Variants in SMAP2 observed in about 807,000 individuals in gnomAD.
The protein encoded by SMAP2 is small ArfGAP2.
In SMAP2, 25 loss-of-function variants were observed where a neutral mutation model predicts 56.4. The observed-to-expected ratio is 0.44, with a 90% CI of 0.32 to 0.62. The LOEUF is 0.62. Among genes scored for constraint, SMAP2 ranks in the 20% least tolerant of loss-of-function variants. The probability of loss-of-function intolerance (pLI) is 0.04; values close to 1 mark genes in which losing one functional copy is unlikely to be tolerated. For synonymous variants in SMAP2, 157 were observed against 181.7 expected, an observed-to-expected ratio of 0.86 and a Z score of 1.09; for missense variants, 388 against 545.6, an observed-to-expected ratio of 0.71 and a Z score of 2.88.
In SMAP2 at chr1:40,373,944, G is replaced by C; in HGVS notation, c.-177G>C. The C allele has an allele frequency of 1.8e-6, 1 of 568,160 alleles. No individual in the cohort carries two copies. The highest frequency in any genetic ancestry group is 3.2e-6 in the Non-Finnish European group (1 of 316,746). The allele number at this position is 568,160 out of a possible 1,614,324, so 35.2% of individuals were successfully genotyped here. On this transcript the variant is annotated 5_prime_UTR_variant, in exon 1 of 10. Coordinates refer to ENST00000372718, the MANE Select transcript of SMAP2 (RefSeq NM_022733.3). ...GCGCCGCGCCGAGGGGCTGCGGAGT[G>C]GGGGACGGACGCCCCCGACCCGGGA...
At chr1:40,387,058 G>T (rs1045599126) in intron 1 of SMAP2, among the ~76,000 whole-genome samples, 17 of 152,124 alleles carry the variant, frequency 1.1e-4, no homozygotes, top group African/African-American at 3.6e-4. Context: ...TTGCCATGTT[G>T]CCCAGGCTAG....
At chr1:40,363,155 A>G (rs930611052) in intron 2 of SMAP2, among the ~76,000 whole-genome samples, 1 of 152,230 alleles carries the variant, frequency 6.6e-6, no homozygotes, top group Admixed American at 6.5e-5. Flanking sequence ...TCATAATATT[A>G]TAAATATTGA....
At chr1:40,413,131 G>A in intron 5 of SMAP2, 29 bp downstream of exon 5, 1 of 1,527,696 alleles carries the variant, frequency 6.5e-7, no homozygotes, top group South Asian at 1.1e-5. Flanking sequence ...GCACTGTATG[G>A]ACAGCCTCAG....
In SMAP2 at chr1:40,386,919, C is replaced by T. The variant is rs186327511; in HGVS notation, c.103+12696C>T. On this transcript the variant is annotated intron_variant, in intron 1 of 9. Transcript: ENST00000372718. This position sits in a 1 kb window ranked among gnomAD's most constrained non-coding sequence, Gnocchi z 4.1. ...TCGCCCAAGCTGGAGTACAGTGGCA[C>T]GATCTCAGCTCACTGCAGCCTCTAT... Among the ~76,000 whole-genome samples, 133 of 148,894 alleles carry T rather than the reference C, an allele frequency of 8.9e-4. No individual in the cohort carries two copies. The highest frequency in any genetic ancestry group is 1.4e-3 in the Non-Finnish European group (95 of 67,696).
intron 5 of SMAP2, chr1:40,413,856 C>T (rs1644960917): frequency 3.5e-6 from 1 of 283,226 alleles, no homozygotes; most frequent in African/African-American, 2.2e-5. Flanking sequence ...TTCCTGGGAC[C>T]AAAAACTGCT....
At chr1:40,400,590 CATG>C (rs1396379133) in intron 1 of SMAP2, among the ~76,000 whole-genome samples, 1 of 152,026 alleles carries the variant, frequency 6.6e-6, no homozygotes, top group Non-Finnish European at 1.5e-5. Context: ...AGAGAGGTTT[CATG>C]ATGCATAATT....
intron 1 of SMAP2, among the ~76,000 whole-genome samples, chr1:40,400,489 T>C (rs1644821581): frequency 6.6e-6 from 1 of 152,116 alleles, no homozygotes; most frequent in South Asian, 2.1e-4. Flanking sequence ...AAGAGTCTGG[T>C]GGCTTTAGAT....
At chr1:40,392,853 A>G (rs777675784) in intron 1 of SMAP2, among the ~76,000 whole-genome samples, 7 of 152,170 alleles carry the variant, frequency 4.6e-5, no homozygotes, top group Non-Finnish European at 8.8e-5. Flanking sequence ...TAATCGCAGC[A>G]CGTTGGGAGG....
intron 1 of SMAP2, among the ~76,000 whole-genome samples, chr1:40,377,708 C>T (rs376543837): frequency 6.6e-6 from 1 of 152,180 alleles, no homozygotes; most frequent in Non-Finnish European, 1.5e-5. Context: ...TGGGGTCATA[C>T]TGGTCCAAGT....
At chr1:40,390,194 A>C (rs572651272) in intron 1 of SMAP2, among the ~76,000 whole-genome samples, 5 of 152,324 alleles carry the variant, frequency 3.3e-5, no homozygotes, top group African/African-American at 1.2e-4. Context: ...AACCATCTGT[A>C]CTTTGATCCC....
chr1:40,383,230 T>G (rs1016391970), intron 1 of SMAP2, among the ~76,000 whole-genome samples: 1 of 152,170 alleles, frequency 6.6e-6, no homozygotes, highest in Non-Finnish European at 1.5e-5. Context: ...CCGAGTGGTC[T>G]GGTGTGAGCG....
At chr1:40,347,250 TG>T (rs67865616) in intron 1 of SMAP2, among the ~76,000 whole-genome samples, 83,998 of 140,114 alleles carry the variant, frequency 0.6, 25,183 homozygotes, top group East Asian at 0.81. Flanking sequence ...GTTTTGTTTT[TG>T]TTTTTTTTTT....
At chr1:40,365,059 G>A (rs550356561) in intron 2 of SMAP2, 39 of 223,988 alleles carry the variant, frequency 1.7e-4, no homozygotes, top group African/African-American at 8.5e-4. Context: ...GATGACAGAC[G>A]ATGAGCTTGT....
intron 1 of SMAP2, among the ~76,000 whole-genome samples, chr1:40,360,305 CTT>C (rs34776166): frequency 2.6e-4 from 29 of 111,340 alleles, no homozygotes; most frequent in Admixed American, 5.6e-4. Flanking sequence ...CGTGCCTGAG[CTT>C]TTTTTTTTTT....
intron 1 of SMAP2, among the ~76,000 whole-genome samples, chr1:40,360,269 G>A (rs1375689012): frequency 2.0e-5 from 3 of 149,814 alleles, no homozygotes; most frequent in Non-Finnish European, 3.0e-5. Context: ...GCCTCCCAAA[G>A]TGCTGGGATT....
In SMAP2 at chr1:40,374,538, C is replaced by A; in HGVS notation, c.103+315C>A. The A allele has an allele frequency of 2.1e-6, 2 of 966,654 alleles. No individual in the cohort carries two copies. The highest frequency in any genetic ancestry group is 3.2e-6 in the Non-Finnish European group (2 of 627,260). The allele number at this position is 966,654 out of a possible 1,614,324, so 59.9% of individuals were successfully genotyped here. ...TTCTGGGCCGGCTGTCCAGAGAGAGCTCCCAGCATGTCACTTGCAAAGCTG... is the reference window on the plus strand; with the variant it reads ...TTCTGGGCCGGCTGTCCAGAGAGAGATCCCAGCATGTCACTTGCAAAGCTG... On this transcript the variant is annotated intron_variant, in intron 1 of 9. Transcript: ENST00000372718. The surrounding 1 kb of genome is among the most constrained non-coding windows in gnomAD (Gnocchi z 5.9).
At chr1:40,407,315 G>A (rs1644894755) in intron 2 of SMAP2, among the ~76,000 whole-genome samples, 1 of 152,044 alleles carries the variant, frequency 6.6e-6, no homozygotes, top group Admixed American at 6.5e-5. Flanking sequence ...TGAGACACCT[G>A]TCTCTACAAA....
Position 40,347,811 on chromosome 1 carries a change from T to A in SMAP2, c.-83+2901T>A, listed in dbSNP as rs372457259. Among the ~76,000 whole-genome samples the A allele has an allele frequency of 2.9e-4, 44 of 152,354 alleles. No homozygotes were observed. In the East Asian group the frequency reaches 7.9e-3, roughly 27 times the overall value. ...GTACATATTCTTCCAGCTAGTTGCT[T>A]TCCTTTAAATATATTTTATGATCTT... On this transcript the variant is annotated intron_variant, in intron 1 of 6. Transcript: ENST00000435168.
At position 40,422,416 on chromosome 1, in the gene SMAP2, C is replaced by A; in HGVS notation, c.*315C>A. The A allele has an allele frequency of 3.3e-6, 1 of 307,394 alleles. No individual in the cohort carries two copies. The highest frequency in any genetic ancestry group is 6.4e-6 in the Non-Finnish European group (1 of 155,436). 19.0% of individuals were successfully genotyped at this position (307,394 alleles called of 1,614,324 possible). On this transcript the variant is annotated 3_prime_UTR_variant, in exon 10 of 10. Coordinates refer to ENST00000372718, the MANE Select transcript of SMAP2 (RefSeq NM_022733.3). ...GTGCACACCTTTGAGTCCCTTCCCT[C>A]AAGGTTAAAGCTCCTGTCAGACTCT...
Sources: allele counts gnomAD v4.1 joint callset (sites outside exome capture counted in the v4.1 genomes callset), GRCh38; gene constraint gnomAD v4.1.1; non-coding constraint Gnocchi (gnomAD v3.1); transcripts MANE v1.5; gene names NCBI Gene and HGNC (gene_info 2026-07-23, HGNC 2026-07-21).